The following ABCA9 variants were observed in gnomAD, a reference collection of about 807,000 sequenced individuals.
ABCA9 encodes ATP binding cassette subfamily A member 9, also known as ATP-binding cassette sub-family A member 9.
In ABCA9, 183 loss-of-function variants were observed where a neutral mutation model predicts 205.3. The ratio of observed to expected loss-of-function variants is 0.89; its 90% CI spans 0.79 to 1.01. The LOEUF (loss-of-function observed/expected upper bound fraction) is 1.01. Among genes scored for constraint, ABCA9 ranks in the 50% least tolerant of loss-of-function variants. The pLI is 0.00. For missense variants in ABCA9, 1,805 were observed against 1,912.4 expected (o/e 0.94, Z 1.05); for synonymous variants, 651 against 683.3 (o/e 0.95, Z 0.74).
At chr17:69,017,964 GA>G in intron 20 of ABCA9, 175 bp from the exon 21 acceptor site, 1 of 596,696 alleles carries the variant, frequency 1.7e-6, no homozygotes, top group Non-Finnish European at 2.8e-6. Flanking sequence ...TCATAGGTAT[GA>G]CAAGGTTACT....
chr17:69,028,854 TA>T (rs1269074480), intron 11 of ABCA9, among the ~76,000 whole-genome samples: 1 of 152,234 alleles, frequency 6.6e-6, no homozygotes, highest in Non-Finnish European at 1.5e-5. Flanking sequence ...ATTTTTTTGA[TA>T]AAAGCAGTTT....
Position 69,049,296 on chromosome 17 carries a change from G to C in ABCA9, c.291C>G (p.Ala97=). The C allele has an allele frequency of 1.2e-6, 2 of 1,612,236 alleles. No individual in the cohort carries two copies. The highest frequency in any genetic ancestry group is 1.7e-6 in the Non-Finnish European group (2 of 1,178,944). ...TQEIMNKVAS[A]PFLKGRTIMG... is the part of the protein sequence containing the mutation. ...CAGGGAACATACCTTTTAGGAATGG[G>C]GCTGAAGCCACTTTGTTCATTATCT... Residue 97 remains alanine (A), a synonymous_variant, in exon 3 of 39, where the codon GCC becomes GCG. Transcript: ENST00000340001.
chr17:69,016,193 T>G, intron 22 of ABCA9, 60 bp downstream of exon 22: 1 of 1,326,898 alleles, frequency 7.5e-7, no homozygotes, highest in South Asian at 1.9e-5. Context: ...TTTTAGCATT[T>G]CAAGAATTTT....
chr17:69,020,582 A>G lies in ABCA9; in HGVS notation c.2406T>C (p.Ile802=). The G allele has an allele frequency of 6.2e-7, 1 of 1,613,144 alleles. No homozygotes were observed. Among genetic ancestry groups the G allele is most frequent in the Non-Finnish European group, 8.5e-7 (1 of 1,179,336 alleles). The change falls in exon 19 of 39, where the codon ATT becomes ATC. Residue 802 remains isoleucine, a synonymous_variant. Transcript: ENST00000340001. ...EGKSTIDESD[I]GIWGQLQTDG... ...CAGTTTGTAATTGTCCCCAAATTCC[A>G]ATATCTAAAACATAAGATCAATATT...
At chr17:69,014,216 G>A (rs1008354015) in intron 22 of ABCA9, among the ~76,000 whole-genome samples, 3 of 152,106 alleles carry the variant, frequency 2.0e-5, no homozygotes, top group Admixed American at 6.6e-5. Flanking sequence ...AACTCTTTGA[G>A]TGCCAACATG....
intron 8 of ABCA9, 83 bp downstream of exon 8, chr17:69,035,163 C>T: frequency 8.4e-7 from 1 of 1,186,378 alleles, no homozygotes. Flanking sequence ...GAATGGAATG[C>T]TTAGAGCATG....
At chr17:69,073,705 C>A in the ABCA9 span, among the ~76,000 whole-genome samples, 6 of 152,048 alleles carry the variant, frequency 3.9e-5, no homozygotes, top group African/African-American at 1.4e-4. Flanking sequence ...GAAGCAAGAG[C>A]AAACAAATTC....
chr17:69,053,464 C>A (rs2144519886), intron 1 of ABCA9, among the ~76,000 whole-genome samples: 1 of 152,218 alleles, frequency 6.6e-6, no homozygotes, highest in East Asian at 1.9e-4. Context: ...TATAATGCTG[C>A]ATCATGCAGG....
At chr17:69,011,279 C>CA (rs1299487846) in intron 23 of ABCA9, among the ~76,000 whole-genome samples, 2 of 151,656 alleles carry the variant, frequency 1.3e-5, no homozygotes, top group African/African-American at 4.8e-5. Context: ...GAGTTTACCC[C>CA]AAAAAAAGTG....
chr17:68,987,165 A>G (rs1210275835), intron 31 of ABCA9, among the ~76,000 whole-genome samples: 1 of 152,212 alleles, frequency 6.6e-6, no homozygotes, highest in African/African-American at 2.4e-5. Flanking sequence ...GATGTTTTAC[A>G]TACAGAAAAT....
intron 1 of ABCA9, among the ~76,000 whole-genome samples, chr17:69,059,910 G>T (rs1425869413): frequency 6.6e-6 from 1 of 152,128 alleles, no homozygotes; most frequent in Admixed American, 6.5e-5. Flanking sequence ...ATCGGAGCAG[G>T]CTGTGATAGC....
intron 20 of ABCA9, 58 bp downstream of exon 20, chr17:69,018,355 G>T (rs1439154945): frequency 5.2e-6 from 7 of 1,352,804 alleles, no homozygotes; most frequent in Non-Finnish European, 5.9e-6. Flanking sequence ...CATGTTTTTT[G>T]GGGGGAATCT....
rs1181838047 is a variant in ABCA9 at position 69,023,295 on chromosome 17, C to A, written c.2281+919G>T. On this transcript the variant is annotated intron_variant, in intron 17 of 38. Coordinates refer to ENST00000340001, the MANE Select transcript of ABCA9 (RefSeq NM_080283.4). The surrounding 1 kb of genome is among the most constrained non-coding windows in gnomAD (Gnocchi z 4.2). ...AGTGCTTTATTTATATTTAATATTT[C>A]AATACATTTGAAGGTATTAAATCAT... 2 of 152,092 alleles carry A rather than the reference C, an allele frequency of 1.3e-5. No individual in the cohort carries two copies. The highest frequency in any genetic ancestry group is 2.4e-5 in the African/African-American group (1 of 41,396). The allele number at this position is 152,092 out of a possible 1,614,324, so 9.4% of individuals were successfully genotyped here.
At chr17:69,032,642 C>A (rs566555979) in intron 9 of ABCA9, 1 of 165,758 alleles carries the variant, frequency 6.0e-6, no homozygotes, top group East Asian at 1.7e-4. Context: ...CTCTGTCACC[C>A]AGGCTGCAGT....
At chr17:69,043,978 G>A (rs904961570) in intron 5 of ABCA9, among the ~76,000 whole-genome samples, 6 of 152,102 alleles carry the variant, frequency 3.9e-5, no homozygotes, top group South Asian at 2.1e-4. Flanking sequence ...AATTTTCCCT[G>A]ATGTTTCTTA....
intron 31 of ABCA9, among the ~76,000 whole-genome samples, chr17:68,988,245 CT>C (rs1330237256): frequency 6.6e-6 from 1 of 152,184 alleles, no homozygotes; most frequent in Non-Finnish European, 1.5e-5. Flanking sequence ...GGTCCTTTGG[CT>C]TCTGTCCATC....
chr17:69,027,717 C>A lies in ABCA9; in HGVS notation c.1714G>T (p.Gly572Ter). ...AGGTTTTCTTTCACAGTGAGAAATCCAAATTGCACATTGGATTGTGGACAA... is the reference window on the plus strand; with the variant it reads ...AGGTTTTCTTTCACAGTGAGAAATCAAAATTGCACATTGGATTGTGGACAA... The part of the protein sequence containing the change: ...GFCPQSNVQF[G>*]FLTVKENLRL... The change falls in exon 13 of 39, where the codon GGA (glycine) becomes TGA (stop). Residue 572 changes from glycine to a stop codon, truncating the protein, a stop_gained. Coordinates refer to ENST00000340001, the MANE Select transcript of ABCA9 (RefSeq NM_080283.4). LOFTEE classifies it high-confidence loss of function. 3 of 1,613,094 alleles carry A rather than the reference C, an allele frequency of 1.9e-6. No individual in the cohort carries two copies. Among genetic ancestry groups the A allele is most frequent in the Non-Finnish European group, 2.5e-6 (3 of 1,179,758 alleles).
rs1198301818 is a variant in ABCA9, at chr17:69,017,548, C to G, written c.2901+108G>C. ...CTTCTTCTATAAAAATGAGAACTAT[C>G]CCATTTGTTTGTGTGAAATTGGCCT... On this transcript the variant is annotated intron_variant, in intron 21 of 38. Transcript: ENST00000340001. 4.1e-6 allele frequency: 5 copies of G among 1,219,884 alleles called. No homozygotes were observed. In the Admixed American group the frequency reaches 1.1e-4, roughly 26 times the overall value. 75.6% of individuals were successfully genotyped at this position (1,219,884 alleles called of 1,614,324 possible).
intron 6 of ABCA9, among the ~76,000 whole-genome samples, chr17:69,037,798 T>A (rs1268469311): frequency 6.6e-6 from 1 of 150,704 alleles, no homozygotes; most frequent in Non-Finnish European, 1.5e-5. Context: ...TTTAAAAGAT[T>A]AACAAAATAG....
Sources: gnomAD v4.1 joint callset for allele counts (sites outside exome capture counted in the v4.1 genomes callset) on GRCh38, gnomAD v4.1.1 for gene constraint, Gnocchi (gnomAD v3.1) non-coding constraint, MANE v1.5 for transcripts, NCBI Gene and HGNC (gene_info 2026-07-23, HGNC 2026-07-21) for gene names.